The following ADGRB3 variants were observed in gnomAD, a reference collection of about 807,000 sequenced individuals.
The protein encoded by ADGRB3 is brain-specific angiogenesis inhibitor 3.
A neutral mutation model predicts 193.4 loss-of-function variants in ADGRB3; 37 were observed. The observed-to-expected ratio is 0.19, with a 90% CI of 0.15 to 0.25. The LOEUF is 0.25. Ranked by LOEUF, ADGRB3 falls within the 10% of genes least tolerant of loss-of-function variation. ADGRB3 has a pLI of 1.00. For synonymous variants in ADGRB3, 690 were observed against 644.2 expected (o/e 1.07, Z -1.08); for missense variants, 1,637 against 1,852.9 (o/e 0.88, Z 2.14).
At position 68,650,178 on chromosome 6, in the gene ADGRB3, A is replaced by G. The variant is rs144716690; in HGVS notation, c.757+10746A>G. ...ATTTAATGTACTAAAGGTCTTATGT[A>G]ATAATTATCCCTTTTGCAGATGGGC... is the stretch of plus-strand genomic sequence containing the variant. On this transcript the variant is annotated intron_variant, in intron 3 of 31. Transcript: ENST00000370598. Among the ~76,000 whole-genome samples the G allele has an allele frequency of 4.7e-3, 715 of 152,280 alleles. 5 individuals are homozygous for G. The highest frequency in any genetic ancestry group is 0.016 in the African/African-American group (649 of 41,574).
At chr6:68,826,646 GGGACACCCCAGGA>G (rs994776701) in intron 3 of ADGRB3, among the ~76,000 whole-genome samples, 2 of 152,170 alleles carry the variant, frequency 1.3e-5, no homozygotes, top group African/African-American at 4.8e-5. Flanking sequence ...AGATAAAGCA[GGGACACCCCAGGA>G]GGCTATTATA....
intron 13 of ADGRB3, among the ~76,000 whole-genome samples, chr6:69,028,148 T>G (rs1351127627): frequency 1.3e-5 from 2 of 152,330 alleles, no homozygotes; most frequent in South Asian, 2.1e-4. Context: ...AATTGTTCAT[T>G]AAAATGACTT....
At chr6:68,909,615 T>G (rs980627290) in intron 3 of ADGRB3, among the ~76,000 whole-genome samples, 1 of 152,202 alleles carries the variant, frequency 6.6e-6, no homozygotes, top group African/African-American at 2.4e-5. Flanking sequence ...CTGTGACTTC[T>G]GAGTTTAATT....
chr6:68,827,037 AT>A lies in ADGRB3; in HGVS notation c.758-103518del, dbSNP rs546465341. On this transcript the variant is annotated intron_variant, in intron 3 of 31. Coordinates refer to ENST00000370598, the MANE Select transcript of ADGRB3 (RefSeq NM_001704.3). ...TGAGTGGCATAAGCGTATTGATTTT[AT>A]TTTAAGAGTTGACACCTGACAAGCT... 3.7e-4 allele frequency among the ~76,000 whole-genome samples: 57 copies of A among 152,258 alleles called. No individual in the cohort carries two copies. In the South Asian group the frequency reaches 0.012, roughly 31 times the overall value.
chr6:69,274,445 TTTCC>T (rs550005820), intron 20 of ADGRB3, among the ~76,000 whole-genome samples: 3,897 of 123,292 alleles, frequency 0.032, 227 homozygotes, highest in African/African-American at 0.12. Context: ...GGTGGTTGCA[TTTCC>T]TTCCTTCCTT....
At chr6:68,980,715 C>A (rs1245136305) in intron 10 of ADGRB3, among the ~76,000 whole-genome samples, 1 of 151,444 alleles carries the variant, frequency 6.6e-6, no homozygotes, top group African/African-American at 2.4e-5. Context: ...TAGGAACTAG[C>A]AGATGGATTT....
intron 3 of ADGRB3, among the ~76,000 whole-genome samples, chr6:68,916,254 C>G (rs746634925): frequency 5.3e-5 from 8 of 152,032 alleles, no homozygotes; most frequent in Non-Finnish European, 1.2e-4. Context: ...ATTAAAAATT[C>G]TGTAGATGGG....
At position 69,355,855 on chromosome 6, in the gene ADGRB3, G is replaced by A. The variant is rs757313795; in HGVS notation, c.3590G>A (p.Arg1197Gln). 16 of 1,603,762 alleles carry A rather than the reference G, an allele frequency of 1.0e-5. No individual in the cohort carries two copies. Among genetic ancestry groups the A allele is most frequent in the African/African-American group, 4.0e-5 (3 of 74,618 alleles). Residue 1197 changes from arginine to glutamine, a missense_variant, in exon 28 of 32, where the codon CGA (arginine) becomes CAA (glutamine). Physicochemically the swap from Arg to Gln is conservative, Grantham distance 43. Coordinates refer to ENST00000370598, the MANE Select transcript of ADGRB3 (RefSeq NM_001704.3). ...DFEKDVDIACRSVLHKDIGPC... is the reference protein window; with the variant it reads ...DFEKDVDIACQSVLHKDIGPC... ...GAAAAGGATGTAGACATTGCCTGTC[G>A]ATCAGGTAAGAATATTTAGATTTTG...
intron 29 of ADGRB3, among the ~76,000 whole-genome samples, chr6:69,364,936 C>A (rs1394219927): frequency 6.6e-6 from 1 of 152,062 alleles, no homozygotes; most frequent in Non-Finnish European, 1.5e-5. Context: ...ACTATAAAAT[C>A]TAATTTAAAC....
chr6:69,118,741 G>A (rs998541482), intron 17 of ADGRB3, among the ~76,000 whole-genome samples: 1 of 93,200 alleles, frequency 1.1e-5, no homozygotes, highest in Non-Finnish European at 2.5e-5. Flanking sequence ...AGAAGCCACT[G>A]CTTTACAGAA....
intron 17 of ADGRB3, chr6:69,232,546 G>A (rs1766166304): frequency 1.3e-6 from 2 of 1,535,574 alleles, no homozygotes; most frequent in African/African-American, 1.4e-5. Flanking sequence ...TTCTGCCCCA[G>A]GGCAAAGAAG....
intron 3 of ADGRB3, among the ~76,000 whole-genome samples, chr6:68,849,491 C>T (rs1582252640): frequency 6.6e-6 from 1 of 151,874 alleles, no homozygotes; most frequent in Non-Finnish European, 1.5e-5. Context: ...TATTCAGCTA[C>T]TGAAAATAAG....
intron 28 of ADGRB3, among the ~76,000 whole-genome samples, chr6:69,357,122 A>G (rs1769353346): frequency 1.3e-5 from 2 of 152,048 alleles, no homozygotes; most frequent in African/African-American, 4.8e-5. Context: ...CTGAGGCACG[A>G]TGCCCAAGGT....
intron 29 of ADGRB3, among the ~76,000 whole-genome samples, chr6:69,366,395 T>C (rs1769568597): frequency 6.6e-6 from 1 of 152,164 alleles, no homozygotes; most frequent in African/African-American, 2.4e-5. Flanking sequence ...ATATTGCCAT[T>C]CATTAGTCAG....
intron 17 of ADGRB3, among the ~76,000 whole-genome samples, chr6:69,164,394 G>C (rs1218762354): frequency 6.6e-6 from 1 of 152,060 alleles, no homozygotes; most frequent in Non-Finnish European, 1.5e-5. Context: ...TTACAAAGGG[G>C]ATAATTTAAT....
chr6:68,790,475 C>T (rs369396118), intron 3 of ADGRB3, among the ~76,000 whole-genome samples: 8 of 152,280 alleles, frequency 5.3e-5, no homozygotes, highest in Admixed American at 1.3e-4. Context: ...GATCTGAGAA[C>T]GGGCAGACTG....
chr6:68,891,175 G>A (rs777041344), intron 3 of ADGRB3, among the ~76,000 whole-genome samples: 11 of 152,082 alleles, frequency 7.2e-5, no homozygotes, highest in African/African-American at 2.2e-4. Context: ...CAGATCTTGT[G>A]AGACTTACTC....
rs116156351 is a variant in ADGRB3 at position 68,898,536 on chromosome 6, C to T, written c.758-32023C>T. On this transcript the variant is annotated intron_variant, in intron 3 of 31. Transcript: ENST00000370598. ...TTATAGCAAAACTTCAGAGTATTTG[C>T]TTTGAGAGAAAAGGTATTCCTGGCA... Among the ~76,000 whole-genome samples, 437 of 152,128 alleles carry T rather than the reference C, an allele frequency of 2.9e-3. 3 individuals carry two copies. The highest frequency in any genetic ancestry group is 9.0e-3 in the African/African-American group (374 of 41,508).
intron 3 of ADGRB3, among the ~76,000 whole-genome samples, chr6:68,798,850 A>G (rs140647373): frequency 6.6e-6 from 1 of 152,272 alleles, no homozygotes; most frequent in East Asian, 1.9e-4. Context: ...TGAGGGGGAC[A>G]TGCCGTGGAT....
Sources: gnomAD v4.1 joint callset for allele counts (sites outside exome capture counted in the v4.1 genomes callset) on GRCh38, gnomAD v4.1.1 for gene constraint, MANE v1.5 for transcripts, NCBI Gene and HGNC (gene_info 2026-07-23, HGNC 2026-07-21) for gene names.